The following TUBA1C variants were observed in gnomAD, a reference collection of about 807,000 sequenced individuals.
TUBA1C encodes tubulin alpha-1C chain.
A neutral mutation model predicts 34.9 loss-of-function variants in TUBA1C; 16 were observed. The ratio of observed to expected loss-of-function variants is 0.46; its 90% CI spans 0.31 to 0.70. The LOEUF (loss-of-function observed/expected upper bound fraction) is 0.70. Among genes scored for constraint, TUBA1C ranks in the 30% least tolerant of loss-of-function variants. TUBA1C has a pLI of 0.05. For missense variants in TUBA1C, 329 were observed against 587.3 expected (o/e 0.56, Z 4.55); for synonymous variants, 177 against 215.9 (o/e 0.82, Z 1.58).
intron 1 of TUBA1C, among the ~76,000 whole-genome samples, chr12:49,230,084 CTT>C (rs574222733): frequency 4.2e-5 from 6 of 143,538 alleles, no homozygotes; most frequent in African/African-American, 1.0e-4. Context: ...ACATCCTGGC[CTT>C]TTTTTTTTTT....
chr12:49,251,036 T>C (rs1415000759), intron 1 of TUBA1C, among the ~76,000 whole-genome samples: 2 of 152,072 alleles, frequency 1.3e-5, no homozygotes, highest in Non-Finnish European at 2.9e-5. Context: ...GTGAAACCCG[T>C]CTCAACCAAA....
At chr12:49,240,194 T>A (rs1007068921) in intron 1 of TUBA1C, among the ~76,000 whole-genome samples, 1 of 151,326 alleles carries the variant, frequency 6.6e-6, no homozygotes, top group Non-Finnish European at 1.5e-5. Context: ...CAAATATTTA[T>A]GTTTGGCAAA....
rs879142633 is a variant in TUBA1C at position 49,269,688 on chromosome 12, G to A, written c.226+1G>A. On this transcript the variant is annotated splice_donor_variant, in intron 2 of 3. Transcript: ENST00000301072. LOFTEE classifies it high-confidence loss of function. ...GTAGACTTGGAACCCACAGTCATTG[G>A]TGAGTTGACCTCAGTAACCCAAGTG... 2 of 1,614,098 alleles carry A rather than the reference G, an allele frequency of 1.2e-6. No homozygotes were observed. Among genetic ancestry groups the A allele is most frequent in the Non-Finnish European group, 1.7e-6 (2 of 1,179,972 alleles).
chr12:49,251,585 G>A (rs991531290), intron 1 of TUBA1C, among the ~76,000 whole-genome samples: 6 of 151,952 alleles, frequency 3.9e-5, no homozygotes, highest in Non-Finnish European at 8.8e-5. Context: ...GACTAGCCTG[G>A]CTAACATTGT....
chr12:49,273,870 T>C lies in TUBA1C; in HGVS notation c.*643T>C, dbSNP rs899970813. 1.3e-5 allele frequency: 2 copies of C among 154,784 alleles called. No individual in the cohort carries two copies. The highest frequency in any genetic ancestry group is 2.9e-5 in the Non-Finnish European group (2 of 69,772). The allele number at this position is 154,784 out of a possible 1,614,324, so 9.6% of individuals were successfully genotyped here. A position where few individuals can be genotyped will look rare whatever the true frequency, so the allele number is the denominator to read the frequency against. On this transcript the variant is annotated 3_prime_UTR_variant, in exon 4 of 4. Transcript: ENST00000301072. Reference sequence around the variant, plus strand: ...ACTTCGGGAGGCCAAGTTGGGTGGATCACGAGCCCAGGAATTCGAGACCAG... The same window carrying C: ...ACTTCGGGAGGCCAAGTTGGGTGGACCACGAGCCCAGGAATTCGAGACCAG...
chr12:49,252,954 G>T (rs1222598175), intron 1 of TUBA1C, among the ~76,000 whole-genome samples: 1 of 151,632 alleles, frequency 6.6e-6, no homozygotes, highest in Non-Finnish European at 1.5e-5. Flanking sequence ...AGTGTGGTAG[G>T]CCTCTGTAAT....
intron 1 of TUBA1C, chr12:49,256,610 T>C: frequency 3.7e-6 from 1 of 272,676 alleles, no homozygotes. Flanking sequence ...TCAGGGGTTC[T>C]AAAGGGCTTA....
chr12:49,231,552 C>A (rs945221479), intron 1 of TUBA1C, among the ~76,000 whole-genome samples: 1 of 152,200 alleles, frequency 6.6e-6, no homozygotes, highest in Non-Finnish European at 1.5e-5. Context: ...CGAAACAGGG[C>A]TCTTGCCCTC....
intron 1 of TUBA1C, among the ~76,000 whole-genome samples, chr12:49,244,286 C>T (rs1942647148): frequency 6.6e-6 from 1 of 152,106 alleles, no homozygotes; most frequent in South Asian, 2.1e-4. Context: ...TTTCAAATTC[C>T]ACACATTGTT....
chr12:49,242,858 C>T (rs1258012973), intron 1 of TUBA1C, among the ~76,000 whole-genome samples: 1 of 152,034 alleles, frequency 6.6e-6, no homozygotes, highest in East Asian at 1.9e-4. Flanking sequence ...AGCTGCAGTG[C>T]AATGGTGTGA....
intron 1 of TUBA1C, among the ~76,000 whole-genome samples, chr12:49,241,557 C>A (rs532277605): frequency 6.6e-6 from 1 of 152,258 alleles, no homozygotes; most frequent in Non-Finnish European, 1.5e-5. Context: ...GAAATAGTTA[C>A]AATTCATGCA....
upstream of TUBA1C, chr12:49,264,652 C>A (rs1016382370): frequency 7.2e-5 from 11 of 152,702 alleles, no homozygotes; most frequent in Non-Finnish European, 1.5e-4. Context: ...CGCCCTCTTA[C>A]CTGGAGCTTC....
intron 1 of TUBA1C, among the ~76,000 whole-genome samples, chr12:49,266,573 G>A (rs937497364): frequency 4.6e-5 from 7 of 152,196 alleles, no homozygotes; most frequent in African/African-American, 1.4e-4. Context: ...CTTAGGCCGG[G>A]CGCGATGGCT....
intron 1 of TUBA1C, among the ~76,000 whole-genome samples, chr12:49,242,741 G>A (rs563888170): frequency 3.3e-5 from 5 of 152,214 alleles, no homozygotes; most frequent in Admixed American, 1.3e-4. Context: ...TCCTGCCTCG[G>A]CCTCCCAAAG....
chr12:49,254,344 G>A (rs1024853886), intron 1 of TUBA1C, among the ~76,000 whole-genome samples: 6 of 151,846 alleles, frequency 4.0e-5, no homozygotes, highest in African/African-American at 9.7e-5. Context: ...GCCGAGTGTC[G>A]TGGTGCACGC....
chr12:49,232,385 C>T (rs1436979567), intron 1 of TUBA1C, among the ~76,000 whole-genome samples: 1 of 152,060 alleles, frequency 6.6e-6, no homozygotes, highest in Non-Finnish European at 1.5e-5. Context: ...CATGAAATTC[C>T]AACTGGACAT....
chr12:49,265,137 TC>T lies in TUBA1C; in HGVS notation c.-42del. ...TGTTAGTGGGAGATCCTTGTTGCCG[TC>T]CCTTCGCCTCCTTCACCGCCGCAGA... On this transcript the variant is annotated 5_prime_UTR_variant, in exon 1 of 4. Coordinates refer to ENST00000301072, the MANE Select transcript of TUBA1C (RefSeq NM_032704.5). 1 of 1,593,566 alleles carries T rather than the reference TC, an allele frequency of 6.3e-7. No homozygotes were observed. The highest frequency in any genetic ancestry group is 1.7e-5 in the Admixed American group (1 of 59,258).
chr12:49,270,665 G>A (rs11168957), intron 3 of TUBA1C, among the ~76,000 whole-genome samples: 2,285 of 152,228 alleles, frequency 0.015, 53 homozygotes, highest in African/African-American at 0.052. Flanking sequence ...CAGCAAAACT[G>A]GACTGATGTT....
At position 49,273,386 on chromosome 12, in the gene TUBA1C, G is replaced by A. The variant is rs1433397820; in HGVS notation, c.*159G>A. ...CAGTTAAAGTTGGATGTATGAGGCT[G>A]GTAGATGAAACCACCTGAGTCGAGG... On this transcript the variant is annotated 3_prime_UTR_variant, in exon 4 of 4. Coordinates refer to ENST00000301072, the MANE Select transcript of TUBA1C (RefSeq NM_032704.5). The A allele has an allele frequency of 7.2e-6, 10 of 1,385,904 alleles. No homozygotes were observed. Among genetic ancestry groups the A allele is most frequent in the Non-Finnish European group, 9.8e-6 (10 of 1,015,352 alleles). The allele number at this position is 1,385,904 out of a possible 1,614,324, so 85.9% of individuals were successfully genotyped here. A position where few individuals can be genotyped will look rare whatever the true frequency, so the allele number is the denominator to read the frequency against.
Sources: gnomAD v4.1 joint callset for allele counts (sites outside exome capture counted in the v4.1 genomes callset) on GRCh38, gnomAD v4.1.1 for gene constraint, MANE v1.5 for transcripts, NCBI Gene and HGNC (gene_info 2026-07-23, HGNC 2026-07-21) for gene names.